The following BANP variants were observed in gnomAD, a reference collection of about 807,000 sequenced individuals.
The protein encoded by BANP is protein BANP.
A neutral mutation model predicts 68.1 loss-of-function variants in BANP; 11 were observed. The observed-to-expected ratio is 0.16, with a 90% CI of 0.10 to 0.27. The LOEUF is 0.27. Among genes scored for constraint, BANP ranks in the 10% least tolerant of loss-of-function variants. BANP has a pLI of 1.00. For synonymous variants in BANP, 329 were observed against 303.2 expected (o/e 1.09, Z -0.88); for missense variants, 504 against 722.7 (o/e 0.70, Z 3.47).
At chr16:88,042,353 C>T (rs550373499) in intron 11 of BANP, among the ~76,000 whole-genome samples, 3 of 152,360 alleles carry the variant, frequency 2.0e-5, no homozygotes, top group South Asian at 2.1e-4. Context: ...CAGCTTCCTC[C>T]TCCCCGAGCT....
chr16:88,058,772 T>C (rs193164789), intron 11 of BANP, among the ~76,000 whole-genome samples: 1 of 152,270 alleles, frequency 6.6e-6, no homozygotes, highest in Admixed American at 6.5e-5. Flanking sequence ...CATTGTGTAA[T>C]TGGCTCTGGA....
chr16:88,054,751 C>T (rs1460928845), intron 11 of BANP, among the ~76,000 whole-genome samples: 3 of 152,228 alleles, frequency 2.0e-5, no homozygotes, highest in African/African-American at 7.2e-5. Flanking sequence ...TATGGAGGGT[C>T]AGTGGGCATG....
Position 88,004,975 on chromosome 16 carries a change from C to T in BANP, c.479+564C>T, listed in dbSNP as rs953257617. On this transcript the variant is annotated intron_variant, in intron 5 of 13. Transcript: ENST00000682872. This position sits in a 1 kb window ranked among gnomAD's most constrained non-coding sequence, Gnocchi z 7.0. Reference sequence around the variant, plus strand: ...AAGCCCTGCTGTCCCCAGGAGTGCCCCTGGGGCTGCGTGAACCCCTGAGGA... The same window carrying T: ...AAGCCCTGCTGTCCCCAGGAGTGCCTCTGGGGCTGCGTGAACCCCTGAGGA... Among the ~76,000 whole-genome samples, 9 of 152,138 alleles carry T rather than the reference C, an allele frequency of 5.9e-5. No homozygotes were observed. The highest frequency in any genetic ancestry group is 2.2e-4 in the African/African-American group (9 of 41,426).
At chr16:88,011,070 C>G (rs992696039) in intron 6 of BANP, among the ~76,000 whole-genome samples, 1 of 152,184 alleles carries the variant, frequency 6.6e-6, no homozygotes, top group African/African-American at 2.4e-5. Context: ...CCAAGGGAAG[C>G]GGGAGACAGC....
At chr16:87,982,794 C>G (rs956137353) in intron 3 of BANP, 1 of 152,172 alleles carries the variant, frequency 6.6e-6, no homozygotes, top group African/African-American at 2.4e-5. Context: ...CAGGGCTGTC[C>G]CTGCCACTGT....
chr16:87,971,126 A>G (rs554153202), intron 1 of BANP, among the ~76,000 whole-genome samples: 3 of 152,226 alleles, frequency 2.0e-5, no homozygotes, highest in Non-Finnish European at 4.4e-5. Context: ...ACCACTCCTT[A>G]TAGCCATTGA....
chr16:88,047,810 T>C (rs2082351586), intron 11 of BANP, among the ~76,000 whole-genome samples: 1 of 152,242 alleles, frequency 6.6e-6, no homozygotes, highest in African/African-American at 2.4e-5. Context: ...CTTCCTATGT[T>C]TGGTGTACTT....
At chr16:88,034,032 G>A (rs903114383) in intron 9 of BANP, among the ~76,000 whole-genome samples, 3 of 152,184 alleles carry the variant, frequency 2.0e-5, no homozygotes, top group Non-Finnish European at 2.9e-5. Flanking sequence ...GTGTGCCTCC[G>A]TGTCACCAGG....
intron 3 of BANP, among the ~76,000 whole-genome samples, chr16:87,982,304 T>A (rs1368976685): frequency 6.6e-6 from 1 of 152,024 alleles, no homozygotes; most frequent in African/African-American, 2.4e-5. Context: ...TTGCGTAGAG[T>A]CGTGTGCGTG....
intron 13 of BANP, among the ~76,000 whole-genome samples, 177 bp from the exon 14 acceptor site, chr16:88,076,413 G>T (rs1163093734): frequency 6.6e-6 from 1 of 152,212 alleles, no homozygotes; most frequent in African/African-American, 2.4e-5. Context: ...GCGTCGTTCC[G>T]CTGGGAGCCA....
chr16:87,979,333 A>C (rs935455901), intron 2 of BANP, among the ~76,000 whole-genome samples: 9 of 152,168 alleles, frequency 5.9e-5, no homozygotes, highest in Admixed American at 5.9e-4. Context: ...TGCTTCACCC[A>C]CATCGGTGGG....
intron 6 of BANP, among the ~76,000 whole-genome samples, chr16:88,014,692 C>T (rs1048883106): frequency 6.6e-6 from 1 of 152,034 alleles, no homozygotes; most frequent in African/African-American, 2.4e-5. Context: ...CATCCTCGCA[C>T]TGGTCCTGCA....
At chr16:88,025,789 G>A (rs763205992) in intron 7 of BANP, among the ~76,000 whole-genome samples, 2 of 152,150 alleles carry the variant, frequency 1.3e-5, no homozygotes, top group Non-Finnish European at 2.9e-5. Flanking sequence ...TTTAGGGTTT[G>A]GGCAGTAGAG....
intron 13 of BANP, among the ~76,000 whole-genome samples, chr16:88,072,536 GC>G (rs2090606334): frequency 6.6e-6 from 1 of 152,264 alleles, no homozygotes; most frequent in African/African-American, 2.4e-5. Context: ...GAGCATGGGG[GC>G]CCCTTTAGCC....
intron 7 of BANP, among the ~76,000 whole-genome samples, chr16:88,023,532 C>G (rs143753026): frequency 0.021 from 3,256 of 151,626 alleles, 122 homozygotes; most frequent in African/African-American, 0.076. Flanking sequence ...GTTGTTGGCA[C>G]TCGGTTTTGT....
chr16:88,058,952 CCT>C (rs1395689258), intron 11 of BANP, among the ~76,000 whole-genome samples: 1 of 152,132 alleles, frequency 6.6e-6, no homozygotes, highest in Non-Finnish European at 1.5e-5. Context: ...CTGGTGGGCC[CCT>C]GAGCCGCTGC....
At chr16:87,950,339 A>G (rs2056693374), upstream of BANP, 1 of 152,206 alleles carries the variant, frequency 6.6e-6, no homozygotes, top group South Asian at 2.1e-4. Context: ...ACCAGGAATG[A>G]CATTTCTGGG....
At chr16:88,066,820 G>A (rs556973679) in intron 12 of BANP, among the ~76,000 whole-genome samples, 51 of 152,232 alleles carry the variant, frequency 3.4e-4, no homozygotes, top group African/African-American at 1.1e-3. Context: ...CGCTCCCAGC[G>A]GTGCGGGCGC....
intron 1 of BANP, among the ~76,000 whole-genome samples, chr16:87,961,668 A>T (rs1318379456): frequency 6.6e-6 from 1 of 152,194 alleles, no homozygotes; most frequent in East Asian, 1.9e-4. Flanking sequence ...CATGTTTTGT[A>T]TGTACCATGA....
Sources: allele counts gnomAD v4.1 joint callset (sites outside exome capture counted in the v4.1 genomes callset), GRCh38; gene constraint gnomAD v4.1.1; non-coding constraint Gnocchi (gnomAD v3.1); transcripts MANE v1.5; gene names NCBI Gene and HGNC (gene_info 2026-07-23, HGNC 2026-07-21).